Variants in TRAPPC9 observed in about 807,000 individuals in gnomAD.
The protein encoded by TRAPPC9 is IKK2 binding protein.
Under a neutral mutation model 124.0 loss-of-function variants are expected in TRAPPC9, and 83 were observed. The ratio of observed to expected loss-of-function variants is 0.67; its 90% CI spans 0.56 to 0.80. The LOEUF is 0.80. Ranked by LOEUF, TRAPPC9 falls within the 30% of genes least tolerant of loss-of-function variation. The pLI is 0.00. For missense variants in TRAPPC9, 1,302 were observed against 1,508.3 expected (o/e 0.86, Z 2.27); for synonymous variants, 638 against 617.5 (o/e 1.03, Z -0.49).
intron 21 of TRAPPC9, among the ~76,000 whole-genome samples, chr8:139,747,214 GCT>G (rs1237412718): frequency 6.6e-6 from 1 of 152,160 alleles, no homozygotes; most frequent in African/African-American, 2.4e-5. Flanking sequence ...GCTCTGTGTG[GCT>G]CTGTGTTGAG....
At chr8:140,315,394 A>G (rs986476899) in intron 9 of TRAPPC9, among the ~76,000 whole-genome samples, 2 of 152,100 alleles carry the variant, frequency 1.3e-5, no homozygotes, top group Non-Finnish European at 2.9e-5. Flanking sequence ...GTCTTCTTGA[A>G]GCATTAACCA....
chr8:140,410,855 T>A (rs1352006312), intron 5 of TRAPPC9, among the ~76,000 whole-genome samples: 4 of 149,750 alleles, frequency 2.7e-5, no homozygotes, highest in African/African-American at 7.4e-5. Flanking sequence ...AAAAAAAAAA[T>A]TATATAGATT....
intron 7 of TRAPPC9, among the ~76,000 whole-genome samples, chr8:140,387,809 A>G (rs905295336): frequency 3.9e-5 from 6 of 152,214 alleles, no homozygotes; most frequent in Non-Finnish European, 7.3e-5. Context: ...TGTGGAAGAC[A>G]GTGTGGTGAT....
chr8:139,939,536 C>T (rs1219482953), intron 19 of TRAPPC9, among the ~76,000 whole-genome samples: 1 of 152,134 alleles, frequency 6.6e-6, no homozygotes, highest in Non-Finnish European at 1.5e-5. Flanking sequence ...GCTCCCAACC[C>T]GTCCAGGTCC....
At chr8:139,870,478 G>T (rs933428937) in intron 21 of TRAPPC9, among the ~76,000 whole-genome samples, 1 of 152,174 alleles carries the variant, frequency 6.6e-6, no homozygotes, top group African/African-American at 2.4e-5. Flanking sequence ...GAGGATATTT[G>T]TTGCCATCAT....
intron 18 of TRAPPC9, among the ~76,000 whole-genome samples, chr8:140,013,827 C>A (rs541375390): frequency 1.3e-5 from 2 of 152,116 alleles, no homozygotes; most frequent in African/African-American, 4.8e-5. Flanking sequence ...TACAACCCTG[C>A]ACAGTCAGTG....
chr8:140,354,633 G>T (rs973292695), intron 9 of TRAPPC9, among the ~76,000 whole-genome samples: 1 of 152,148 alleles, frequency 6.6e-6, no homozygotes, highest in Non-Finnish European at 1.5e-5. Context: ...CAACCCTGGG[G>T]TCACGTTTTT....
chr8:140,356,741 C>T (rs554090583), intron 9 of TRAPPC9, among the ~76,000 whole-genome samples: 1 of 151,908 alleles, frequency 6.6e-6, no homozygotes, highest in Non-Finnish European at 1.5e-5. Flanking sequence ...TCCCAAGTAG[C>T]TGGGATTACA....
At chr8:140,383,434 C>A (rs2068668938) in intron 7 of TRAPPC9, among the ~76,000 whole-genome samples, 2 of 152,102 alleles carry the variant, frequency 1.3e-5, no homozygotes, top group South Asian at 2.1e-4. Flanking sequence ...AGACAAATGG[C>A]TAACTAGAAT....
At chr8:140,185,499 G>A (rs12675719) in intron 17 of TRAPPC9, among the ~76,000 whole-genome samples, 78,385 of 152,124 alleles carry the variant, frequency 0.52, 22,234 homozygotes, top group East Asian at 0.99. Flanking sequence ...GCTGAGGACC[G>A]AGTCCACCTT....
At position 140,007,278 on chromosome 8, in the gene TRAPPC9, G is replaced by A. The variant is rs1048885696; in HGVS notation, c.2699+16659C>T. ...ACAGTAACTCTGCAATTGTGCCTCC[G>A]GGTGACGGTAACCAGGTCTCTGAGT... On this transcript the variant is annotated intron_variant, in intron 18 of 22. Transcript: ENST00000438773. Among the ~76,000 whole-genome samples, 43 of 152,176 alleles carry A rather than the reference G, an allele frequency of 2.8e-4. 1 individual carries two copies. Among genetic ancestry groups the A allele is most frequent in the Non-Finnish European group, 1.2e-4 (8 of 68,042 alleles).
chr8:139,746,263 C>T (rs559552011), intron 21 of TRAPPC9, among the ~76,000 whole-genome samples: 16 of 152,328 alleles, frequency 1.1e-4, no homozygotes, highest in African/African-American at 3.4e-4. Context: ...GGGAAGCCAT[C>T]GCGTTTCCTC....
chr8:139,841,003 T>C (rs1826693234), intron 21 of TRAPPC9, among the ~76,000 whole-genome samples: 1 of 152,154 alleles, frequency 6.6e-6, no homozygotes, highest in Non-Finnish European at 1.5e-5. Flanking sequence ...GCAAGACAAA[T>C]TCACTGTCTT....
At chr8:139,864,748 C>G (rs1273784047) in intron 21 of TRAPPC9, among the ~76,000 whole-genome samples, 2 of 152,208 alleles carry the variant, frequency 1.3e-5, no homozygotes, top group African/African-American at 2.4e-5. Context: ...GGTCATTGTC[C>G]TGATCCTAGA....
At chr8:140,186,030 G>A (rs1452538013) in intron 17 of TRAPPC9, among the ~76,000 whole-genome samples, 2 of 152,188 alleles carry the variant, frequency 1.3e-5, no homozygotes, top group South Asian at 2.1e-4. Context: ...GTGACGCTGG[G>A]GTATTGTTAC....
chr8:139,932,191 A>G, intron 19 of TRAPPC9: 1 of 400,150 alleles, frequency 2.5e-6, no homozygotes, highest in Non-Finnish European at 5.0e-6. Context: ...ACAAGGAGAA[A>G]CCAGCCAGGC....
rs767025836 is a variant in TRAPPC9 at position 139,727,857 on chromosome 8, C to G, written c.*3204G>C. On this transcript the variant is annotated 3_prime_UTR_variant, in exon 23 of 23. Transcript: ENST00000438773. ...TACATTAAGCCATGCAGGGGACTAA[C>G]GGAGCATAGCAATGTGGCCTGTTAA... Among the ~76,000 whole-genome samples the G allele has an allele frequency of 1.3e-5, 2 of 152,074 alleles. No homozygotes were observed. Among genetic ancestry groups the G allele is most frequent in the Non-Finnish European group, 2.9e-5 (2 of 68,028 alleles).
intron 17 of TRAPPC9, among the ~76,000 whole-genome samples, chr8:140,178,397 G>A (rs758119562): frequency 7.9e-5 from 12 of 152,054 alleles, no homozygotes; most frequent in Non-Finnish European, 1.8e-4. Context: ...TATAGTGAAT[G>A]ACACTGATTG....
chr8:140,246,589 CACAGAATTA>C (rs1316119370), intron 16 of TRAPPC9, among the ~76,000 whole-genome samples: 4 of 152,204 alleles, frequency 2.6e-5, no homozygotes, highest in Non-Finnish European at 5.9e-5. Flanking sequence ...ATGAGATTAT[CACAGAATTA>C]ATCATTTACT....
Sources: allele counts gnomAD v4.1 joint callset (sites outside exome capture counted in the v4.1 genomes callset), GRCh38; gene constraint gnomAD v4.1.1; transcripts MANE v1.5; gene names NCBI Gene and HGNC (gene_info 2026-07-23, HGNC 2026-07-21).